The following INTS4 variants were observed in gnomAD, a reference collection of about 807,000 sequenced individuals.
INTS4 encodes the protein MSTP093.
INTS4 carries 70 observed loss-of-function variants against 119.5 expected under a neutral mutation model. That is an observed-to-expected ratio of 0.59 (90% CI 0.48 to 0.71). INTS4 has a LOEUF of 0.71. Ranked by LOEUF, INTS4 falls within the 30% of genes least tolerant of loss-of-function variation. The pLI, the probability that INTS4 is intolerant of heterozygous loss-of-function variation, is 0.00. For synonymous variants in INTS4, 316 were observed against 419.6 expected (o/e 0.75, Z 3.02); for missense variants, 867 against 1,173.2 (o/e 0.74, Z 3.81).
At chr11:77,975,600 T>C (rs901782758) in intron 4 of INTS4, among the ~76,000 whole-genome samples, 3 of 152,116 alleles carry the variant, frequency 2.0e-5, no homozygotes, top group Admixed American at 1.3e-4. Flanking sequence ...CCTTCATTAC[T>C]GTAGTCTGAA....
Position 77,961,143 on chromosome 11 carries a change from T to TAAAAAAAAAAAAAAAAA in INTS4, c.472-22_472-6dup, listed in dbSNP as rs11370501. On this transcript the variant is annotated splice_region_variant and splice_polypyrimidine_tract_variant and intron_variant, in intron 4 of 22. Coordinates refer to ENST00000534064, the MANE Select transcript of INTS4 (RefSeq NM_033547.4). The stretch of plus-strand genomic sequence containing the variant: ...ATGAGACGTATCTGTCAGATGCTAT[T>TAAAAAAAAAAAAAAAAA]AAAAAAAAAAAAAAAAAGAAAAAAA... 4 of 1,216,668 alleles carry TAAAAAAAAAAAAAAAAA rather than the reference T, an allele frequency of 3.3e-6. No individual in the cohort carries two copies. The highest frequency in any genetic ancestry group is 3.1e-5 in the East Asian group (1 of 32,010). The allele number at this position is 1,216,668 out of a possible 1,614,324, so 75.4% of individuals were successfully genotyped here.
At chr11:77,946,336 C>T (rs1194027191) in intron 8 of INTS4, among the ~76,000 whole-genome samples, 1 of 152,156 alleles carries the variant, frequency 6.6e-6, no homozygotes, top group African/African-American at 2.4e-5. Flanking sequence ...CAGAAAAAGA[C>T]TGTTACTATA....
chr11:77,896,435 G>A (rs113533187), intron 18 of INTS4, among the ~76,000 whole-genome samples: 75 of 151,934 alleles, frequency 4.9e-4, no homozygotes, highest in African/African-American at 1.7e-3. Context: ...GCGGATCACC[G>A]GAGGTCAGAA....
intron 9 of INTS4, among the ~76,000 whole-genome samples, chr11:77,940,232 C>T (rs1953897328): frequency 6.6e-6 from 1 of 151,940 alleles, no homozygotes; most frequent in Admixed American, 6.6e-5. Flanking sequence ...AGTTCAAGAC[C>T]AACATGAGGA....
Position 77,918,974 on chromosome 11 carries a change from G to C in INTS4, c.1769C>G (p.Pro590Arg). ...LSHLVPALRL[P>R]GRKLVSSAVS... Reference sequence around the variant, plus strand: ...AGCTGATGACACCAGTTTTCTACCTGGTAACTAAGCAGAGTGGGATTACAG... The same window carrying C: ...AGCTGATGACACCAGTTTTCTACCTCGTAACTAAGCAGAGTGGGATTACAG... The change falls in exon 15 of 23, where the codon CCA becomes CGA. Residue 590 changes from proline (P) to arginine (R), a missense_variant. Around this residue, in one of 5 missense-constraint regions of INTS4, gnomAD observed 262 missense variants for 376.0 expected, o/e 0.70. Coordinates refer to ENST00000534064, the MANE Select transcript of INTS4 (RefSeq NM_033547.4). 1 of 1,613,872 alleles carries C rather than the reference G, an allele frequency of 6.2e-7. No individual in the cohort carries two copies. The highest frequency in any genetic ancestry group is 8.5e-7 in the Non-Finnish European group (1 of 1,179,822).
chr11:77,950,805 T>C (rs12575337), intron 8 of INTS4, among the ~76,000 whole-genome samples: 19,345 of 151,202 alleles, frequency 0.13, 1,421 homozygotes, highest in East Asian at 0.24. Context: ...ATATGCCATG[T>C]TGGTGTGCTG....
intron 11 of INTS4, among the ~76,000 whole-genome samples, chr11:77,928,116 T>C (rs1468408825): frequency 6.6e-6 from 1 of 152,202 alleles, no homozygotes; most frequent in Non-Finnish European, 1.5e-5. Context: ...GGTTAGACAC[T>C]ATGTATTCCC....
At chr11:77,944,923 T>C (rs1954011648) in intron 8 of INTS4, among the ~76,000 whole-genome samples, 1 of 152,142 alleles carries the variant, frequency 6.6e-6, no homozygotes, top group Non-Finnish European at 1.5e-5. Flanking sequence ...TCAATCTGTA[T>C]GAAGATTTGT....
chr11:77,895,568 A>T (rs565276810), intron 18 of INTS4, among the ~76,000 whole-genome samples: 5 of 148,152 alleles, frequency 3.4e-5, no homozygotes, highest in African/African-American at 1.2e-4. Context: ...GTAGCACTTG[A>T]AAGTTTTTAA....
intron 2 of INTS4, chr11:77,986,989 TAA>T (rs1223368505): frequency 2.6e-5 from 4 of 151,984 alleles, no homozygotes; most frequent in Non-Finnish European, 5.9e-5. Context: ...AGTATAATAA[TAA>T]AAAAAGAGTC....
At chr11:77,885,597 T>C (rs1002258301) in intron 21 of INTS4, among the ~76,000 whole-genome samples, 1 of 151,884 alleles carries the variant, frequency 6.6e-6, no homozygotes, top group Non-Finnish European at 1.5e-5. Flanking sequence ...GCCAGGTGGA[T>C]TACTTGAGGT....
chr11:77,883,888 C>T lies in INTS4; in HGVS notation c.2657G>A (p.Gly886Asp), dbSNP rs978325311. The change falls in exon 22 of 23, where the codon GGC becomes GAC. Residue 886 changes from glycine (G) to aspartate (D), a missense_variant. Around this residue, in one of 5 missense-constraint regions of INTS4, gnomAD observed 122 missense variants for 133.2 expected, o/e 0.92. Coordinates refer to ENST00000534064, the MANE Select transcript of INTS4 (RefSeq NM_033547.4). ...HPKPADFRNP[G>D]PGRHRLITQV... ...AGTGATGAGCCGGTGCCGCCCTGGG[C>T]CAGGATTCCGGAAGTCTGCAGGCTT... is the stretch of plus-strand genomic sequence containing the variant. 19 of 1,612,944 alleles carry T rather than the reference C, an allele frequency of 1.2e-5. No homozygotes were observed. The highest frequency in any genetic ancestry group is 1.7e-5 in the Admixed American group (1 of 59,852).
chr11:77,928,389 T>C lies in INTS4; in HGVS notation c.1324A>G (p.Ile442Val), dbSNP rs577201312. The C allele has an allele frequency of 1.2e-4, 196 of 1,612,490 alleles. No individual in the cohort carries two copies. The South Asian group carries it at 2.0e-3, about 16-fold the overall frequency. The change falls in exon 11 of 23, where the codon ATC becomes GTC. Residue 442 changes from isoleucine to valine, a missense_variant. This residue lies in a region of INTS4 where 208 missense variants were observed against 306.6 expected (regional missense o/e 0.68). Transcript: ENST00000534064. ...IHTMRKISNN[I>V]TLREDQLDTV... ...TCAAGCTGATCTTCTCGGAGGGTGA[T>C]GTTGTTAGAGATTTTTCTCATGGTA...
chr11:77,933,801 C>A (rs1401367464), intron 10 of INTS4, among the ~76,000 whole-genome samples: 4 of 151,790 alleles, frequency 2.6e-5, no homozygotes, highest in Non-Finnish European at 5.9e-5. Context: ...CGGCAGCCGC[C>A]CCGTCCGGGA....
At chr11:77,884,416 T>C (rs1294416855) in intron 21 of INTS4, among the ~76,000 whole-genome samples, 1 of 152,162 alleles carries the variant, frequency 6.6e-6, no homozygotes, top group Non-Finnish European at 1.5e-5. Context: ...GACGGCTCAA[T>C]GAAGAGTCCA....
intron 4 of INTS4, among the ~76,000 whole-genome samples, chr11:77,962,825 G>A (rs1855294569): frequency 6.6e-6 from 1 of 151,352 alleles, no homozygotes; most frequent in Admixed American, 6.6e-5. Context: ...TGGCCAGCTT[G>A]GACAACACAG....
rs574557186 is a variant in INTS4, at chr11:77,895,067, C to T, written c.2229-718G>A. On this transcript the variant is annotated intron_variant, in intron 18 of 22. Coordinates refer to ENST00000534064, the MANE Select transcript of INTS4 (RefSeq NM_033547.4). ...TTGGCGACAGACATAGATGGTGTTCCTTCCTCTCTATCTTGAATTACTTGG... is the reference window on the plus strand; with the variant it reads ...TTGGCGACAGACATAGATGGTGTTCTTTCCTCTCTATCTTGAATTACTTGG... Among the ~76,000 whole-genome samples, 10 of 152,140 alleles carry T rather than the reference C, an allele frequency of 6.6e-5. No homozygotes were observed. The South Asian group carries it at 2.1e-3, about 32-fold the overall frequency.
At chr11:77,947,218 G>C (rs1278121806) in intron 8 of INTS4, among the ~76,000 whole-genome samples, 7 of 152,196 alleles carry the variant, frequency 4.6e-5, no homozygotes, top group Admixed American at 2.6e-4. Flanking sequence ...AAGAGAAAGA[G>C]AAAGGCACAG....
intron 14 of INTS4, among the ~76,000 whole-genome samples, chr11:77,920,266 C>CATATATATACATATATACATATATAT (rs1565244984): frequency 4.0e-5 from 2 of 50,124 alleles, no homozygotes; most frequent in South Asian, 5.1e-4. Context: ...TACATATATA[C>CATATATATACATATATACATATATAT]ACATATATAT....
Sources: allele counts gnomAD v4.1 joint callset (sites outside exome capture counted in the v4.1 genomes callset), GRCh38; gene constraint gnomAD v4.1.1; regional missense constraint gnomAD v4.1.1; transcripts MANE v1.5; gene names NCBI Gene and HGNC (gene_info 2026-07-23, HGNC 2026-07-21).